The following PATJ variants were observed in gnomAD, a reference collection of about 807,000 sequenced individuals.
PATJ encodes the protein inaD-like protein.
In PATJ, 190 loss-of-function variants were observed where a neutral mutation model predicts 224.9. The ratio of observed to expected loss-of-function variants is 0.84; its 90% CI spans 0.75 to 0.95. The LOEUF is 0.95. Among genes scored for constraint, PATJ ranks in the 40% least tolerant of loss-of-function variants. The pLI, the probability that PATJ is intolerant of heterozygous loss-of-function variation, is 0.00. For missense variants in PATJ, 2,121 were observed against 2,270.3 expected, an observed-to-expected ratio of 0.93 and a Z score of 1.34; for synonymous variants, 769 against 820.3, an observed-to-expected ratio of 0.94 and a Z score of 1.07.
At chr1:62,030,415 T>C (rs1226574000) in intron 29 of PATJ, among the ~76,000 whole-genome samples, 1 of 151,870 alleles carries the variant, frequency 6.6e-6, no homozygotes, top group Non-Finnish European at 1.5e-5. Flanking sequence ...ATTTATATCT[T>C]ATCAGTGATA....
intron 33 of PATJ, among the ~76,000 whole-genome samples, chr1:62,094,358 C>G (rs990549497): frequency 3.3e-5 from 5 of 152,140 alleles, no homozygotes; most frequent in African/African-American, 1.2e-4. Flanking sequence ...GCCGCCACTG[C>G]ACTCCAGCGT....
At chr1:61,896,716 G>C (rs1283247787) in intron 22 of PATJ, among the ~76,000 whole-genome samples, 3 of 152,128 alleles carry the variant, frequency 2.0e-5, no homozygotes, top group Non-Finnish European at 2.9e-5. Context: ...CTGATGAGAG[G>C]TGATTGGATC....
chr1:61,761,063 C>T (rs1645942511), intron 1 of PATJ, among the ~76,000 whole-genome samples: 1 of 152,122 alleles, frequency 6.6e-6, no homozygotes. Flanking sequence ...ACTGTAACCT[C>T]AACCTCCTGG....
At chr1:61,762,208 A>G (rs984538944) in intron 1 of PATJ, among the ~76,000 whole-genome samples, 2 of 152,178 alleles carry the variant, frequency 1.3e-5, no homozygotes, top group Non-Finnish European at 2.9e-5. Flanking sequence ...TGCCCCAGGT[A>G]AATTAATCTA....
At chr1:61,964,595 C>T (rs539825953) in intron 27 of PATJ, among the ~76,000 whole-genome samples, 136 of 151,672 alleles carry the variant, frequency 9.0e-4, no homozygotes, top group Non-Finnish European at 1.5e-3. Flanking sequence ...TCAAGACCAG[C>T]CTGGGCAACA....
chr1:61,801,917 CAG>C (rs940811715), intron 12 of PATJ, 148 bp downstream of exon 12: 52 of 455,450 alleles, frequency 1.1e-4, no homozygotes, highest in Middle Eastern at 6.6e-4. Flanking sequence ...TTTTTTGAGA[CAG>C]AGTTTCTTTT....
chr1:62,159,086 C>G (rs1041575045), intron 43 of PATJ, among the ~76,000 whole-genome samples: 6 of 152,190 alleles, frequency 3.9e-5, no homozygotes, highest in Non-Finnish European at 8.8e-5. Context: ...TTAATAAAAT[C>G]AACTTTGCCT....
intron 8 of PATJ, among the ~76,000 whole-genome samples, chr1:61,790,341 C>T (rs549744103): frequency 6.6e-6 from 1 of 151,870 alleles, no homozygotes; most frequent in East Asian, 1.9e-4. Context: ...ACAAATACAG[C>T]CTTTTTTCTA....
intron 41 of PATJ, among the ~76,000 whole-genome samples, chr1:62,144,237 T>C (rs1667787942): frequency 6.6e-6 from 1 of 152,144 alleles, no homozygotes; most frequent in African/African-American, 2.4e-5. Flanking sequence ...AATAGGATGC[T>C]TCACCCAAAA....
chr1:61,827,677 T>C, intron 16 of PATJ, 94 bp downstream of exon 16: 3 of 1,171,366 alleles, frequency 2.6e-6, no homozygotes, highest in Non-Finnish European at 3.5e-6. Context: ...GGGGAAACCA[T>C]TCCACTCTGC....
chr1:61,851,969 T>A (rs890826399), intron 17 of PATJ, among the ~76,000 whole-genome samples: 4 of 151,742 alleles, frequency 2.6e-5, no homozygotes, highest in Non-Finnish European at 5.9e-5. Context: ...AGGCCAGGAG[T>A]TCGAGACCAG....
chr1:61,876,330 T>G (rs1029952997), intron 21 of PATJ, among the ~76,000 whole-genome samples: 23 of 152,174 alleles, frequency 1.5e-4, no homozygotes, highest in African/African-American at 5.6e-4. Flanking sequence ...GTTTTCAAGA[T>G]CATGACTAGA....
intron 5 of PATJ, 56 bp from the exon 6 acceptor site, chr1:61,771,375 T>G (rs1646599040): frequency 1.7e-6 from 2 of 1,143,718 alleles, no homozygotes; most frequent in Non-Finnish European, 2.4e-6. Context: ...TTTAATAGAT[T>G]TTTAAAAATC....
intron 27 of PATJ, among the ~76,000 whole-genome samples, chr1:61,943,282 A>G (rs1678102306): frequency 6.6e-6 from 1 of 152,156 alleles, no homozygotes; most frequent in South Asian, 2.1e-4. Context: ...CAGCCCATGG[A>G]GCAGGGCGGG....
chr1:61,991,542 T>G (rs1645065786), intron 28 of PATJ: 1 of 985,238 alleles, frequency 1.0e-6, no homozygotes, highest in African/African-American at 1.7e-5. Context: ...TAATAACTAC[T>G]GCCACAGCTG....
chr1:62,152,699 G>A (rs1240880158), intron 42 of PATJ, among the ~76,000 whole-genome samples: 1 of 152,098 alleles, frequency 6.6e-6, no homozygotes, highest in Non-Finnish European at 1.5e-5. Context: ...TTCCTGAGCT[G>A]CGAGCTGATG....
At chr1:62,147,558 G>A (rs1391286713) in intron 41 of PATJ, among the ~76,000 whole-genome samples, 1 of 152,162 alleles carries the variant, frequency 6.6e-6, no homozygotes, top group Non-Finnish European at 1.5e-5. Context: ...CAGCACTTTG[G>A]GAGGCCAAGG....
chr1:62,158,994 ATAGCT>A, intron 43 of PATJ, among the ~76,000 whole-genome samples: 1 of 152,304 alleles, frequency 6.6e-6, no homozygotes, highest in East Asian at 1.9e-4. Flanking sequence ...AAAAAGATAA[ATAGCT>A]TAACATAGTT....
intron 38 of PATJ, among the ~76,000 whole-genome samples, chr1:62,122,484 T>C (rs1008034426): frequency 3.3e-5 from 5 of 150,444 alleles, no homozygotes; most frequent in African/African-American, 1.2e-4. Flanking sequence ...TCAGACCAAA[T>C]GGTTATGGCC....
Sources: allele counts gnomAD v4.1 joint callset (sites outside exome capture counted in the v4.1 genomes callset), GRCh38; gene constraint gnomAD v4.1.1; transcripts MANE v1.5; gene names NCBI Gene and HGNC (gene_info 2026-07-23, HGNC 2026-07-21).